The following FERMT1 variants were observed in gnomAD, a reference collection of about 807,000 sequenced individuals.
FERMT1 encodes the protein FERM domain containing kindlin 1, also known as fermitin family homolog 1.
In FERMT1, 60 loss-of-function variants were observed where a neutral mutation model predicts 85.3. The observed-to-expected ratio is 0.70, with a 90% confidence interval of 0.57 to 0.87. The LOEUF is 0.87. Ranked by LOEUF, FERMT1 falls within the 40% of genes least tolerant of loss-of-function variation. The pLI is 0.00. For synonymous variants in FERMT1, 275 were observed against 301.1 expected (o/e 0.91, Z 0.90); for missense variants, 701 against 818.9 (o/e 0.86, Z 1.76).
Position 6,116,023 on chromosome 20 carries a change from T to A in FERMT1, c.173A>T (p.Asp58Val). The change falls in exon 3 of 15, where the codon GAC (aspartate) becomes GTC (valine). Residue 58 changes from aspartate (D) to valine (V), a missense_variant. By Grantham distance (152) the Asp-to-Val change is radical. Transcript: ENST00000217289. ...EQINISQDWS[D>V]FALWWEQKHC... The stretch of plus-strand genomic sequence containing the variant: ...CTTCTGTTCCCACCAAAGAGCAAAG[T>A]CTGACCAGTCTTGGGATATATCTGC... 6.2e-7 allele frequency: 1 copy of A among 1,614,030 alleles called. No homozygotes were observed. Among genetic ancestry groups the A allele is most frequent in the Non-Finnish European group, 8.5e-7 (1 of 1,179,934 alleles).
At position 6,089,028 on chromosome 20, in the gene FERMT1, T is replaced by C. The variant is rs1393427239; in HGVS notation, c.1201A>G (p.Ile401Val). Residue 401 changes from isoleucine (I) to valine (V), a missense_variant, in exon 10 of 15, where the codon ATA (isoleucine) becomes GTA (valine). Transcript: ENST00000217289. ...AGTTCCTTATTTTTAAAGTATGCTATGGATGTGTCTTTAAAGATAAACCAA... is the reference window on the plus strand; with the variant it reads ...AGTTCCTTATTTTTAAAGTATGCTACGGATGTGTCTTTAAAGATAAACCAA... ...QYWFIFKDTS[I>V]AYFKNKELEQ... The C allele has an allele frequency of 1.2e-6, 2 of 1,611,464 alleles. No individual in the cohort carries two copies. The highest frequency in any genetic ancestry group is 1.7e-5 in the Admixed American group (1 of 59,976).
In FERMT1 at chr20:6,085,068, G is replaced by C. The variant is rs1354078093; in HGVS notation, c.1591C>G (p.Gln531Glu). 6.2e-7 allele frequency: 1 copy of C among 1,612,138 alleles called. No individual in the cohort carries two copies. The highest frequency in any genetic ancestry group is 1.7e-5 in the Admixed American group (1 of 60,016). ...PRCAKRHKSK[Q>E]LAARILEAHQ... The stretch of plus-strand genomic sequence containing the variant: ...TGCCCTAACAAGATTAACAGTACCT[G>C]TTTGGATTTGTGTCTTTTTGCACAC... The change falls in exon 12 of 15, where the codon CAG (glutamine) becomes GAG (glutamate). Residue 531 changes from glutamine to glutamate, a missense_variant and splice_region_variant. Gln to Glu is a conservative substitution (Grantham distance 29, BLOSUM62 2). Transcript: ENST00000217289.
At chr20:6,093,018 C>G (rs1982408211) in intron 9 of FERMT1, among the ~76,000 whole-genome samples, 1 of 151,782 alleles carries the variant, frequency 6.6e-6, no homozygotes, top group Non-Finnish European at 1.5e-5. Flanking sequence ...AGAGCTGATA[C>G]CCTGTTGCTA....
chr20:6,089,030 G>C lies in FERMT1; in HGVS notation c.1199C>G (p.Ser400Cys). ...KQYWFIFKDT[S>C]IAYFKNKELE... Reference sequence around the variant, plus strand: ...TTCCTTATTTTTAAAGTATGCTATGGATGTGTCTTTAAAGATAAACCAATA... The same window carrying C: ...TTCCTTATTTTTAAAGTATGCTATGCATGTGTCTTTAAAGATAAACCAATA... Residue 400 changes from serine to cysteine, a missense_variant, in exon 10 of 15, where the codon TCC becomes TGC. By Grantham distance (112) the Ser-to-Cys change is moderately radical. Transcript: ENST00000217289. The C allele has an allele frequency of 6.2e-7, 1 of 1,610,598 alleles. No individual in the cohort carries two copies.
Position 6,104,209 on chromosome 20 carries a change from A to C in FERMT1, c.849+3323T>G, listed in dbSNP as rs1982739821. 6.6e-6 allele frequency among the ~76,000 whole-genome samples: 1 copy of C among 152,108 alleles called. No individual in the cohort carries two copies. The highest frequency in any genetic ancestry group is 1.5e-5 in the Non-Finnish European group (1 of 68,018). ...TTGAAATGTTGAATTCTAGCATTTT[A>C]CGTATCTGAGATTTTAATCAGCACC... On this transcript the variant is annotated intron_variant, in intron 6 of 14. Coordinates refer to ENST00000217289, the MANE Select transcript of FERMT1 (RefSeq NM_017671.5). The surrounding 1 kb of genome is among the most constrained non-coding windows in gnomAD (Gnocchi z 4.2).
At chr20:6,097,685 T>C in intron 6 of FERMT1, 54 bp from the exon 7 acceptor site, 1 of 1,226,314 alleles carries the variant, frequency 8.2e-7, no homozygotes, top group Non-Finnish European at 1.2e-6. Flanking sequence ...TATCCCACAA[T>C]ACAAAGATTC....
At chr20:6,110,650 G>GC in intron 4 of FERMT1, 139 bp from the exon 5 acceptor site, 1 of 734,114 alleles carries the variant, frequency 1.4e-6, no homozygotes, top group Non-Finnish European at 2.4e-6. Context: ...GTCAAGCTGG[G>GC]CACTGTGGCC....
rs766479253 is a variant in FERMT1, at chr20:6,084,172, G to A, written c.1594-8C>T. 1 of 1,608,872 alleles carries A rather than the reference G, an allele frequency of 6.2e-7. No homozygotes were observed. Among genetic ancestry groups the A allele is most frequent in the Non-Finnish European group, 8.5e-7 (1 of 1,177,646 alleles). On this transcript the variant is annotated splice_region_variant and splice_polypyrimidine_tract_variant and intron_variant, in intron 12 of 14. Transcript: ENST00000217289. ...CAGGATCCGGGCGGCCAGCTGAACAGAAACAGACATCAACCTCTCTTCACA... is the reference window on the plus strand; with the variant it reads ...CAGGATCCGGGCGGCCAGCTGAACAAAAACAGACATCAACCTCTCTTCACA...
At chr20:6,116,090 C>T (rs1983090816) in intron 2 of FERMT1, 46 bp from the exon 3 acceptor site, 2 of 1,353,206 alleles carry the variant, frequency 1.5e-6, no homozygotes, top group African/African-American at 2.9e-5. Flanking sequence ...GAGGGCCCAG[C>T]TTGGAGGGTC....
In FERMT1 at chr20:6,116,042, T is replaced by G; in HGVS notation, c.154A>C (p.Ile52Leu). 1.9e-6 allele frequency: 3 copies of G among 1,611,662 alleles called. No individual in the cohort carries two copies. In the African/African-American group the frequency reaches 4.0e-5, roughly 21 times the overall value. The change falls in exon 3 of 15, where the codon ATA becomes CTA. Residue 52 changes from isoleucine (I) to leucine (L), a missense_variant and splice_region_variant. Physicochemically the swap from Ile to Leu is conservative, Grantham distance 5. Transcript: ENST00000217289. The part of the protein sequence containing the change: ...VMLKLVEQIN[I>L]SQDWSDFALW... Reference sequence around the variant, plus strand: ...GCAAAGTCTGACCAGTCTTGGGATATATCTGCAAAAATGAAAGCACAATTA... The same window carrying G: ...GCAAAGTCTGACCAGTCTTGGGATAGATCTGCAAAAATGAAAGCACAATTA...
intron 10 of FERMT1, among the ~76,000 whole-genome samples, chr20:6,088,268 A>G (rs774551687): frequency 1.4e-4 from 21 of 152,346 alleles, no homozygotes; most frequent in Admixed American, 9.8e-4. Flanking sequence ...CAATTAATAG[A>G]TGGTTATCAG....
chr20:6,077,299 C>G lies in FERMT1; in HGVS notation c.1908G>C (p.Leu636=). 1.9e-6 allele frequency: 3 copies of G among 1,614,186 alleles called. No individual in the cohort carries two copies. The highest frequency in any genetic ancestry group is 2.5e-6 in the Non-Finnish European group (3 of 1,180,042). The change falls in exon 15 of 15, where the codon CTG becomes CTC. Residue 636 remains leucine, a synonymous_variant. Transcript: ENST00000217289. ...DQNVFTAFTC[L]SADCKIVHEY... ...CGTGCACAATCTTGCAATCTGCACTCAGGCAGGTGAAAGCAGTAAAGACGT... is the reference window on the plus strand; with the variant it reads ...CGTGCACAATCTTGCAATCTGCACTGAGGCAGGTGAAAGCAGTAAAGACGT...
intron 11 of FERMT1, among the ~76,000 whole-genome samples, chr20:6,085,745 GA>G (rs1394367042): frequency 6.6e-6 from 1 of 152,004 alleles, no homozygotes. Context: ...AGCTACTTGG[GA>G]GGCTGAAGCA....
chr20:6,077,864 A>G (rs1437661031), intron 14 of FERMT1, among the ~76,000 whole-genome samples: 1 of 152,044 alleles, frequency 6.6e-6, no homozygotes, highest in Non-Finnish European at 1.5e-5. Context: ...TATTTTCAGT[A>G]GAGACGGGGG....
Position 6,076,578 on chromosome 20 carries a change from C to A in FERMT1, c.*595G>T. ...CACTGTGGACAGATGACACTGAGGG[C>A]CACTCCTCTGACCTTGGGTTGTCAA... On this transcript the variant is annotated 3_prime_UTR_variant, in exon 15 of 15. Transcript: ENST00000217289. 4.5e-6 allele frequency: 2 copies of A among 447,438 alleles called. No individual in the cohort carries two copies. Among genetic ancestry groups the A allele is most frequent in the Non-Finnish European group, 4.5e-6 (1 of 222,494 alleles). 27.7% of individuals were successfully genotyped at this position (447,438 alleles called of 1,614,324 possible).
In FERMT1 at chr20:6,097,790, C is replaced by CTT. The variant is rs5840120; in HGVS notation, c.850-161_850-160dup. On this transcript the variant is annotated intron_variant, in intron 6 of 14. Coordinates refer to ENST00000217289, the MANE Select transcript of FERMT1 (RefSeq NM_017671.5). Reference sequence around the variant, plus strand: ...CTTCTATTGTGCCATATACTCAGCACTTTTTTTTTAAAGTTTTTTTTTTTT... The same window carrying CTT: ...CTTCTATTGTGCCATATACTCAGCACTTTTTTTTTTTAAAGTTTTTTTTTTTT... 2.7e-5 allele frequency among the ~76,000 whole-genome samples: 4 copies of CTT among 150,728 alleles called. No homozygotes were observed. In the East Asian group the frequency reaches 5.9e-4, roughly 22 times the overall value.
intron 2 of FERMT1, among the ~76,000 whole-genome samples, chr20:6,118,987 A>G (rs1983186964): frequency 1.4e-5 from 2 of 145,746 alleles, no homozygotes; most frequent in South Asian, 4.3e-4. Context: ...TTGCTCTGTC[A>G]CCCAAGCTGG....
intron 9 of FERMT1, among the ~76,000 whole-genome samples, chr20:6,090,236 G>A (rs1274325269): frequency 2.0e-5 from 3 of 151,858 alleles, no homozygotes; most frequent in South Asian, 2.1e-4. Flanking sequence ...CACCATGCCT[G>A]GCTAATTTTT....
chr20:6,079,347 GA>G, intron 14 of FERMT1, 88 bp downstream of exon 14: 1 of 1,369,028 alleles, frequency 7.3e-7, no homozygotes, highest in Non-Finnish European at 1.0e-6. Flanking sequence ...CTAAATAGAA[GA>G]ACACCTTTTA....
Sources: allele counts gnomAD v4.1 joint callset (sites outside exome capture counted in the v4.1 genomes callset), GRCh38; gene constraint gnomAD v4.1.1; non-coding constraint Gnocchi (gnomAD v3.1); transcripts MANE v1.5; gene names NCBI Gene and HGNC (gene_info 2026-07-23, HGNC 2026-07-21).